GHRHR: variants seen among roughly 807,000 people sequenced by gnomAD.
GHRHR encodes the protein growth hormone-releasing hormone receptor.
A neutral mutation model predicts 58.3 loss-of-function variants in GHRHR; 40 were observed. The observed-to-expected ratio is 0.69, with a 90% CI of 0.53 to 0.89. GHRHR has a LOEUF of 0.89. GHRHR is among the 40% of genes least tolerant of loss of function. GHRHR has a pLI of 0.00. For synonymous variants in GHRHR, 249 were observed against 216.6 expected (o/e 1.15, Z -1.31); for missense variants, 551 against 541.3 (o/e 1.02, Z -0.18).
Position 30,976,419 on chromosome 7 carries a change from T to C in GHRHR, c.975-10T>C. 1 of 1,612,926 alleles carries C rather than the reference T, an allele frequency of 6.2e-7. No homozygotes were observed. Among genetic ancestry groups the C allele is most frequent in the Non-Finnish European group, 8.5e-7 (1 of 1,179,254 alleles). Reference sequence around the variant, plus strand: ...CAGTCTTGGGAGCCTAGGATTTGTCTTTCCTGCAGGCGTCTCTCCAAGTCG... The same window carrying C: ...CAGTCTTGGGAGCCTAGGATTTGTCCTTCCTGCAGGCGTCTCTCCAAGTCG... On this transcript the variant is annotated splice_polypyrimidine_tract_variant and intron_variant, in intron 10 of 12. Transcript: ENST00000326139.
chr7:30,976,687 G>A (rs1411487498), intron 11 of GHRHR, 129 bp downstream of exon 11: 2 of 771,190 alleles, frequency 2.6e-6, no homozygotes, highest in East Asian at 2.7e-5. Context: ...TCAAATATCT[G>A]TCTGTCTGTC....
Position 30,973,968 on chromosome 7 carries a change from C to G in GHRHR, c.598-17C>G. 1 of 1,612,638 alleles carries G rather than the reference C, an allele frequency of 6.2e-7. No individual in the cohort carries two copies. The highest frequency in any genetic ancestry group is 8.5e-7 in the Non-Finnish European group (1 of 1,179,744). Reference sequence around the variant, plus strand: ...GTGGGTGTCCCAGCTCTGAAGCACCCAGGTCCTGGCCCCCAGGTTCTATGC... The same window carrying G: ...GTGGGTGTCCCAGCTCTGAAGCACCGAGGTCCTGGCCCCCAGGTTCTATGC... On this transcript the variant is annotated splice_polypyrimidine_tract_variant and intron_variant, in intron 6 of 12. Transcript: ENST00000326139.
Position 30,974,959 on chromosome 7 carries a change from C to G in GHRHR, c.813-12C>G. On this transcript the variant is annotated splice_polypyrimidine_tract_variant and intron_variant, in intron 8 of 12. Coordinates refer to ENST00000326139, the MANE Select transcript of GHRHR (RefSeq NM_000823.4). Reference sequence around the variant, plus strand: ...GACTTTCCAACAACGGCCTTCTTTCCTCTCTCCCCAGGTGCTGGGACCTGG... The same window carrying G: ...GACTTTCCAACAACGGCCTTCTTTCGTCTCTCCCCAGGTGCTGGGACCTGG... 6.3e-7 allele frequency: 1 copy of G among 1,598,522 alleles called. No homozygotes were observed. Among genetic ancestry groups the G allele is most frequent in the Non-Finnish European group, 8.6e-7 (1 of 1,165,842 alleles).
At position 30,976,518 on chromosome 7, in the gene GHRHR, G is replaced by A. The variant is rs1332479938; in HGVS notation, c.1064G>A (p.Gly355Asp). 1 of 1,613,300 alleles carries A rather than the reference G, an allele frequency of 6.2e-7. No homozygotes were observed. The highest frequency in any genetic ancestry group is 8.5e-7 in the Non-Finnish European group (1 of 1,179,416). ...TTCCTGCCAGACAATGCTGGCCTGGGCATCCGCCTCCCCCTGGAGCTGGGA... is the reference window on the plus strand; with the variant it reads ...TTCCTGCCAGACAATGCTGGCCTGGACATCCGCCTCCCCCTGGAGCTGGGA... ...FNFLPDNAGL[G>D]IRLPLELGLG... The change falls in exon 11 of 13, where the codon GGC becomes GAC. Residue 355 changes from glycine to aspartate, a missense_variant. By Grantham distance (94) the Gly-to-Asp change is moderately conservative. Transcript: ENST00000326139.
At chr7:30,971,858 C>A in intron 5 of GHRHR, 105 bp from the exon 6 acceptor site, 1 of 1,004,216 alleles carries the variant, frequency 1.0e-6, no homozygotes, top group Non-Finnish European at 1.6e-6. Context: ...TGATTGCATC[C>A]AGTTTGATTC....
chr7:30,969,132 C>T lies in GHRHR; in HGVS notation c.230C>T (p.Pro77Leu), dbSNP rs776859854. 2.2e-5 allele frequency: 34 copies of T among 1,575,052 alleles called. No homozygotes were observed. The highest frequency in any genetic ancestry group is 2.8e-5 in the Non-Finnish European group (33 of 1,160,206). Reference protein sequence around the residue: ...TAGSGEWVTLPCPDFFSHFSS... With the variant: ...TAGSGEWVTLLCPDFFSHFSS... ...GGCTCTGGCGAGTGGGTCACCCTCC[C>T]CTGCCCGGATTTCTTCTCTCACTTC... The change falls in exon 3 of 13, where the codon CCC becomes CTC. Residue 77 changes from proline to leucine, a missense_variant. By Grantham distance (98) the Pro-to-Leu change is moderately conservative (BLOSUM62 -3). Transcript: ENST00000326139.
At position 30,979,339 on chromosome 7, in the gene GHRHR, C is replaced by T. The variant is rs902376970; in HGVS notation, c.*95C>T. Reference sequence around the variant, plus strand: ...AGGAGCAAGGGGGCCACATCCCCACCCCAGCTGTTACCCAGCCCGGGGCAG... The same window carrying T: ...AGGAGCAAGGGGGCCACATCCCCACTCCAGCTGTTACCCAGCCCGGGGCAG... On this transcript the variant is annotated 3_prime_UTR_variant, in exon 13 of 13. Transcript: ENST00000326139. 1.0e-5 allele frequency: 13 copies of T among 1,298,344 alleles called. No individual in the cohort carries two copies. The highest frequency in any genetic ancestry group is 7.4e-5 in the South Asian group (6 of 81,298). The allele number at this position is 1,298,344 out of a possible 1,614,324, so 80.4% of individuals were successfully genotyped here.
At chr7:30,965,068 T>C (rs1253067187) in intron 1 of GHRHR, among the ~76,000 whole-genome samples, 1 of 152,198 alleles carries the variant, frequency 6.6e-6, no homozygotes, top group Non-Finnish European at 1.5e-5. Context: ...CTTGCTTTTA[T>C]CTCTTTTGTT....
At chr7:30,965,904 C>T (rs530787697) in intron 1 of GHRHR, among the ~76,000 whole-genome samples, 24 of 152,338 alleles carry the variant, frequency 1.6e-4, no homozygotes, top group African/African-American at 4.8e-4. Flanking sequence ...GGAGACGCAA[C>T]GGGGCTCTGC....
intron 9 of GHRHR, 148 bp downstream of exon 9, chr7:30,975,188 C>A: frequency 1.4e-6 from 1 of 716,288 alleles, no homozygotes; most frequent in Non-Finnish European, 2.6e-6. Context: ...CTCTGTGAGG[C>A]CCTCTCTGGG....
intron 1 of GHRHR, among the ~76,000 whole-genome samples, chr7:30,966,598 T>C (rs1792360165): frequency 2.6e-5 from 4 of 152,096 alleles, no homozygotes; most frequent in Admixed American, 2.6e-4. Flanking sequence ...CCAATCCCTG[T>C]GAGAGGGACA....
rs1273564393 is a variant in GHRHR at position 30,974,413 on chromosome 7, C to T, written c.752-16C>T. 5.6e-6 allele frequency: 9 copies of T among 1,593,474 alleles called. No individual in the cohort carries two copies. In the Admixed American group the frequency reaches 1.3e-4, roughly 24 times the overall value. On this transcript the variant is annotated splice_polypyrimidine_tract_variant and intron_variant, in intron 7 of 12. Coordinates refer to ENST00000326139, the MANE Select transcript of GHRHR (RefSeq NM_000823.4). Reference sequence around the variant, plus strand: ...ATGCAGACTCCCTCGCTTGTGTCTTCCCTGTACTCCTGTAGGGCTGCCCGT... The same window carrying T: ...ATGCAGACTCCCTCGCTTGTGTCTTTCCTGTACTCCTGTAGGGCTGCCCGT...
intron 1 of GHRHR, among the ~76,000 whole-genome samples, chr7:30,966,694 G>A (rs34114423): frequency 0.075 from 11,337 of 151,880 alleles, 463 homozygotes; most frequent in Middle Eastern, 0.092. Flanking sequence ...CCAGGCTGGA[G>A]TACAGTGGCA....
intron 1 of GHRHR, among the ~76,000 whole-genome samples, chr7:30,967,758 A>T (rs966984118): frequency 1.3e-5 from 2 of 151,194 alleles, no homozygotes; most frequent in Admixed American, 6.6e-5. Context: ...TCATGTGCTC[A>T]CTCATCCATG....
At chr7:30,965,877 C>A (rs1464809976) in intron 1 of GHRHR, among the ~76,000 whole-genome samples, 4 of 152,214 alleles carry the variant, frequency 2.6e-5, no homozygotes, top group African/African-American at 9.6e-5. Flanking sequence ...TGCGCTCAGT[C>A]TGTTGGGAGA....
In GHRHR at chr7:30,974,954, C is replaced by T. The variant is rs949902190; in HGVS notation, c.813-17C>T. Reference sequence around the variant, plus strand: ...AAGGGGACTTTCCAACAACGGCCTTCTTTCCTCTCTCCCCAGGTGCTGGGA... The same window carrying T: ...AAGGGGACTTTCCAACAACGGCCTTTTTTCCTCTCTCCCCAGGTGCTGGGA... On this transcript the variant is annotated splice_polypyrimidine_tract_variant and intron_variant, in intron 8 of 12. Transcript: ENST00000326139. 3 of 1,591,620 alleles carry T rather than the reference C, an allele frequency of 1.9e-6. No homozygotes were observed. The highest frequency in any genetic ancestry group is 2.6e-6 in the Non-Finnish European group (3 of 1,159,632).
chr7:30,974,168 G>GGGGA, intron 7 of GHRHR, 30 bp downstream of exon 7: 2 of 1,610,114 alleles, frequency 1.2e-6, no homozygotes, highest in Non-Finnish European at 1.7e-6. Flanking sequence ...TGGGCACCAT[G>GGGGA]GGGAGGTAAA....
chr7:30,976,498 G>T lies in GHRHR; in HGVS notation c.1044G>T (p.Leu348=), dbSNP rs748136929. ...FGIHYIIFNF[L]PDNAGLGIRL... is the part of the protein sequence containing the mutation. ...TTCACTACATCATCTTCAACTTCCT[G>T]CCAGACAATGCTGGCCTGGGCATCC... The change falls in exon 11 of 13, where the codon CTG becomes CTT. Residue 348 remains leucine (L), a synonymous_variant. Coordinates refer to ENST00000326139, the MANE Select transcript of GHRHR (RefSeq NM_000823.4). 2 of 1,613,582 alleles carry T rather than the reference G, an allele frequency of 1.2e-6. No homozygotes were observed. The highest frequency in any genetic ancestry group is 1.7e-6 in the Non-Finnish European group (2 of 1,179,582).
At chr7:30,977,514 T>C (rs1439856774) in intron 12 of GHRHR, among the ~76,000 whole-genome samples, 192 bp downstream of exon 12, 1 of 152,212 alleles carries the variant, frequency 6.6e-6, no homozygotes, top group South Asian at 2.1e-4. Context: ...ACATCTCTTA[T>C]CCATCCTTCC....
Sources: gnomAD v4.1 joint callset for allele counts (sites outside exome capture counted in the v4.1 genomes callset) on GRCh38, gnomAD v4.1.1 for gene constraint, MANE v1.5 for transcripts, NCBI Gene and HGNC (gene_info 2026-07-23, HGNC 2026-07-21) for gene names.